AKAP19: variants seen among roughly 807,000 people sequenced by gnomAD.
AKAP19 encodes the protein A-kinase anchoring protein 19, also known as small A-kinase anchoring protein.
At chr2:190,020,944 T>C in the AKAP19 span, among the ~76,000 whole-genome samples, 1 of 152,224 alleles carries the variant, frequency 6.6e-6, no homozygotes, top group Non-Finnish European at 1.5e-5. Flanking sequence ...TAGCATAATG[T>C]TATATTAGCA....
chr2:189,880,266 A>T, the AKAP19 span, among the ~76,000 whole-genome samples: 1 of 152,012 alleles, frequency 6.6e-6, no homozygotes, highest in Non-Finnish European at 1.5e-5. Context: ...GGTTTTTTTG[A>T]GGGCAGGAGG....
At chr2:189,913,972 C>T in the AKAP19 span, among the ~76,000 whole-genome samples, 5 of 152,082 alleles carry the variant, frequency 3.3e-5, no homozygotes, top group Middle Eastern at 6.8e-3. Context: ...ATATTCCATA[C>T]GGAAATGAGG....
chr2:189,978,847 T>C, the AKAP19 span, among the ~76,000 whole-genome samples: 2 of 152,050 alleles, frequency 1.3e-5, no homozygotes, highest in African/African-American at 4.8e-5. Context: ...CAAAAAAAAT[T>C]ACCTTGTAAT....
the AKAP19 span, among the ~76,000 whole-genome samples, chr2:190,187,977 G>A: frequency 6.6e-6 from 1 of 152,178 alleles, no homozygotes; most frequent in Non-Finnish European, 1.5e-5. Flanking sequence ...TATTTTTAGA[G>A]CTTTGAGCCT....
chr2:189,978,402 C>G, the AKAP19 span, among the ~76,000 whole-genome samples: 4 of 152,090 alleles, frequency 2.6e-5, no homozygotes, highest in Non-Finnish European at 5.9e-5. Context: ...GGGCAGATCA[C>G]TTGAGGTCAG....
the AKAP19 span, among the ~76,000 whole-genome samples, chr2:189,933,097 A>G: frequency 1.3e-4 from 20 of 152,212 alleles, no homozygotes; most frequent in Admixed American, 1.3e-3. Context: ...CAGTTTTCAG[A>G]TTTGAGAAAA....
the AKAP19 span, among the ~76,000 whole-genome samples, chr2:190,097,770 C>A: frequency 6.7e-6 from 1 of 149,746 alleles, no homozygotes; most frequent in Admixed American, 6.7e-5. Context: ...TGCCTGTAAT[C>A]CCAGCACTTT....
At chr2:190,147,203 C>A in the AKAP19 span, among the ~76,000 whole-genome samples, 3 of 152,214 alleles carry the variant, frequency 2.0e-5, no homozygotes, top group Non-Finnish European at 4.4e-5. Flanking sequence ...AATCCAGTTT[C>A]ATTATCCTAC....
chr2:189,956,640 A>G, the AKAP19 span, among the ~76,000 whole-genome samples: 6 of 152,116 alleles, frequency 3.9e-5, no homozygotes, highest in Admixed American at 1.3e-4. Context: ...GTGCAGTGGC[A>G]CAATCATGGC....
chr2:190,170,958 ACTGAG>A, the AKAP19 span, among the ~76,000 whole-genome samples: 1 of 152,196 alleles, frequency 6.6e-6, no homozygotes, highest in African/African-American at 2.4e-5. Flanking sequence ...ACTCTCTGGA[ACTGAG>A]CTAACCACTC....
the AKAP19 span, among the ~76,000 whole-genome samples, chr2:190,146,902 C>A: frequency 1.3e-5 from 2 of 152,062 alleles, no homozygotes; most frequent in African/African-American, 4.8e-5. Flanking sequence ...GAATATTAGT[C>A]CTTTGTCAGA....
chr2:190,192,802 CATTA>C, the AKAP19 span, among the ~76,000 whole-genome samples: 1 of 152,082 alleles, frequency 6.6e-6, no homozygotes, highest in East Asian at 1.9e-4. Flanking sequence ...TTGCAAATGG[CATTA>C]ATTTCATCTT....
At chr2:189,967,027 A>G in the AKAP19 span, among the ~76,000 whole-genome samples, 13 of 152,328 alleles carry the variant, frequency 8.5e-5, no homozygotes, top group East Asian at 2.3e-3. Flanking sequence ...GTACCGATAC[A>G]TGGCTTCTCA....
chr2:190,122,670 G>A, the AKAP19 span, among the ~76,000 whole-genome samples: 3 of 152,284 alleles, frequency 2.0e-5, no homozygotes, highest in East Asian at 5.8e-4. Context: ...ACTGTGTAAT[G>A]TAGCCTTTAT....
chr2:189,908,006 T>C, the AKAP19 span, among the ~76,000 whole-genome samples: 1 of 152,078 alleles, frequency 6.6e-6, no homozygotes, highest in African/African-American at 2.4e-5. Flanking sequence ...AAATCGTTCT[T>C]AGTTTTGATG....
At chr2:189,951,368 A>G in the AKAP19 span, among the ~76,000 whole-genome samples, 1 of 151,890 alleles carries the variant, frequency 6.6e-6, no homozygotes, top group South Asian at 2.1e-4. Flanking sequence ...CACCCGGCTA[A>G]TTTTTGTATT....
At chr2:189,885,901 CG>C in the AKAP19 span, among the ~76,000 whole-genome samples, 1 of 152,048 alleles carries the variant, frequency 6.6e-6, no homozygotes. Flanking sequence ...CTCCACCTCC[CG>C]GGTTCAAGCG....
At chr2:190,102,641 A>T in the AKAP19 span, among the ~76,000 whole-genome samples, 1 of 152,180 alleles carries the variant, frequency 6.6e-6, no homozygotes, top group Non-Finnish European at 1.5e-5. Context: ...TTAGAAAGAA[A>T]TTGAAACCCT....
At chr2:190,195,444 T>C in the AKAP19 span, among the ~76,000 whole-genome samples, 11 of 152,320 alleles carry the variant, frequency 7.2e-5, no homozygotes, top group East Asian at 1.9e-3. Context: ...TCACCAACAG[T>C]GAATGAGAGT....
Sources: allele counts gnomAD v4.1 joint callset (sites outside exome capture counted in the v4.1 genomes callset), GRCh38; gene constraint gnomAD v4.1.1; transcripts MANE v1.5; gene names NCBI Gene and HGNC (gene_info 2026-07-23, HGNC 2026-07-21).